Variants in ACSL6 observed in about 807,000 individuals in gnomAD.
ACSL6 encodes acyl-CoA synthetase long chain family member 6, also known as long-chain-fatty-acid--CoA ligase 6.
Under a neutral mutation model 98.2 loss-of-function variants are expected in ACSL6, and 47 were observed. That is an observed-to-expected ratio of 0.48 (90% CI 0.38 to 0.61). The LOEUF (loss-of-function observed/expected upper bound fraction) is 0.61, where lower values mean the gene tolerates loss of function less well. ACSL6 is among the 20% of genes least tolerant of loss of function. The pLI, the probability that ACSL6 is intolerant of heterozygous loss-of-function variation, is 0.00. For synonymous variants in ACSL6, 362 were observed against 336.9 expected (o/e 1.07, Z -0.82); for missense variants, 761 against 913.4 (o/e 0.83, Z 2.15).
In ACSL6 at chr5:131,985,225, C is replaced by T. The variant is rs1005655257; in HGVS notation, c.916+182G>A. The T allele has an allele frequency of 8.5e-6, 6 of 706,144 alleles. No individual in the cohort carries two copies. The African/African-American group carries it at 1.1e-4, about 12-fold the overall frequency. 43.7% of individuals were successfully genotyped at this position (706,144 alleles called of 1,614,324 possible). On this transcript the variant is annotated intron_variant, in intron 9 of 20. Transcript: ENST00000651883. ...CCTCCCAATGCACACTATCCATCTGCATCTGGCCACTCTTATGCAGGGCAC... is the reference window on the plus strand; with the variant it reads ...CCTCCCAATGCACACTATCCATCTGTATCTGGCCACTCTTATGCAGGGCAC...
At chr5:131,979,023 T>C (rs1196576570) in intron 9 of ACSL6, among the ~76,000 whole-genome samples, 1 of 152,210 alleles carries the variant, frequency 6.6e-6, no homozygotes, top group Non-Finnish European at 1.5e-5. Context: ...ATTTCTCTAA[T>C]AAATAGCTGT....
At chr5:131,962,804 GT>G (rs1752782924) in intron 17 of ACSL6, 126 bp from the exon 18 acceptor site, 1 of 1,105,996 alleles carries the variant, frequency 9.0e-7, no homozygotes, top group African/African-American at 1.6e-5. Context: ...TTTTCCATCT[GT>G]TGTGTCTGCT....
At chr5:131,985,516 A>G in intron 8 of ACSL6, 58 bp from the exon 9 acceptor site, 2 of 1,595,538 alleles carry the variant, frequency 1.3e-6, no homozygotes, top group Non-Finnish European at 1.7e-6. Flanking sequence ...GCCAGGGCCC[A>G]AGATGCCTGG....
At position 132,011,354 on chromosome 5, in the gene ACSL6, A is replaced by C; in HGVS notation, c.49+151T>G. The C allele has an allele frequency of 1.1e-5, 9 of 791,540 alleles. No individual in the cohort carries two copies. In the South Asian group the frequency reaches 1.2e-4, roughly 11 times the overall value. The allele number at this position is 791,540 out of a possible 1,614,324, so 49.0% of individuals were successfully genotyped here. On this transcript the variant is annotated intron_variant, in intron 1 of 20. Transcript: ENST00000651883. This position sits in a 1 kb window ranked among gnomAD's most constrained non-coding sequence, Gnocchi z 5.4. ...CGCGAGAACTGGGGGCGGAGGGTGTACTTAGGCGGCCCTGGGGACCTTGAC... is the reference window on the plus strand; with the variant it reads ...CGCGAGAACTGGGGGCGGAGGGTGTCCTTAGGCGGCCCTGGGGACCTTGAC...
chr5:131,995,824 C>T (rs568048320), intron 1 of ACSL6, among the ~76,000 whole-genome samples: 71 of 152,318 alleles, frequency 4.7e-4, no homozygotes, highest in African/African-American at 1.7e-3. Flanking sequence ...CCTCCACTTC[C>T]CCATCTTTAA....
intron 5 of ACSL6, among the ~76,000 whole-genome samples, chr5:131,989,176 C>A (rs748678983): frequency 1.8e-4 from 27 of 152,156 alleles, no homozygotes; most frequent in Non-Finnish European, 3.7e-4. Context: ...TCCCCATTGG[C>A]TCAAGGGGCA....
chr5:131,982,841 G>A (rs1411477028), intron 9 of ACSL6: 1 of 152,226 alleles, frequency 6.6e-6, no homozygotes, highest in Non-Finnish European at 1.5e-5. Flanking sequence ...CACCAGGGAT[G>A]CAGACCTCAA....
Position 131,974,873 on chromosome 5 carries a change from C to G in ACSL6, c.1068+20G>C. 1 of 1,614,082 alleles carries G rather than the reference C, an allele frequency of 6.2e-7. No homozygotes were observed. The highest frequency in any genetic ancestry group is 8.5e-7 in the Non-Finnish European group (1 of 1,180,018). On this transcript the variant is annotated intron_variant, in intron 11 of 20. Coordinates refer to ENST00000651883, the MANE Select transcript of ACSL6 (RefSeq NM_001009185.3). The stretch of plus-strand genomic sequence containing the variant: ...AGAAGGAGCCCAGGCAAGGCCCGGT[C>G]AGTCAGGTGGGTGTCTTACCTGGAT...
chr5:131,976,528 G>T (rs1389227554), intron 10 of ACSL6, 120 bp downstream of exon 10: 3 of 893,722 alleles, frequency 3.4e-6, no homozygotes, highest in Non-Finnish European at 5.1e-6. Context: ...GTGAATGGCA[G>T]CCCAGGTTAT....
Position 131,986,828 on chromosome 5 carries a change from A to G in ACSL6, c.858T>C (p.Ala286=), listed in dbSNP as rs116530484. The G allele has an allele frequency of 2.9e-4, 471 of 1,614,180 alleles. 2 individuals carry two copies. The African/African-American group carries it at 5.7e-3, about 20-fold the overall frequency. ...VEDCGQENHQ[A]PVPPQPDDLS... is the part of the protein sequence containing the mutation. ...TGCAGGTGAATTCGCTTACCACAGG[A>G]GCCTGGTGATTCTCTTGGCCACAGT... The change falls in exon 8 of 21, where the codon GCT becomes GCC. Residue 286 remains alanine, a synonymous_variant. Transcript: ENST00000651883.
chr5:131,997,735 T>C (rs1236616883), intron 1 of ACSL6, among the ~76,000 whole-genome samples: 1 of 152,194 alleles, frequency 6.6e-6, no homozygotes, highest in African/African-American at 2.4e-5. Context: ...CAACTTCTAC[T>C]TAGGTGCTCA....
Position 131,990,872 on chromosome 5 carries a change from G to A in ACSL6, c.366C>T (p.Arg122=), listed in dbSNP as rs774929509. The A allele has an allele frequency of 6.2e-7, 1 of 1,613,210 alleles. No individual in the cohort carries two copies. The highest frequency in any genetic ancestry group is 8.5e-7 in the Non-Finnish European group (1 of 1,179,710). The change falls in exon 3 of 21, where the codon CGC becomes CGT. Residue 122 remains arginine (R), a synonymous_variant. Transcript: ENST00000651883. The part of the protein sequence containing the change: ...DDARTMYQVF[R]RGLSISGNGP... ...TCTCACCTGAGATGCTAAGCCCACG[G>A]CGGAACACCTGGTACATGGTCCGGG...
At chr5:132,009,784 C>T (rs899690603) in intron 1 of ACSL6, among the ~76,000 whole-genome samples, 3 of 152,162 alleles carry the variant, frequency 2.0e-5, no homozygotes, top group Admixed American at 6.5e-5. Flanking sequence ...GCCAGCTAAC[C>T]CTGCTCACAG....
rs776582340 is a variant in ACSL6, at chr5:131,973,292, G to A, written c.1177C>T (p.Arg393Ter). ...LCPTIFPVVP[R>*]LLNRMYDKIF... ...TTGTCGTACATCCGGTTCAGCAGTC[G>A]TGGGACCACAGGGAAGATGGTGGGG... Residue 393 changes from arginine (R) to a stop codon, truncating the protein, a stop_gained, in exon 12 of 21, where the codon CGA becomes TGA. Transcript: ENST00000651883. LOFTEE classifies it high-confidence loss of function. The A allele has an allele frequency of 4.3e-6, 7 of 1,614,156 alleles. No homozygotes were observed. The highest frequency in any genetic ancestry group is 1.3e-5 in the African/African-American group (1 of 75,044).
At chr5:131,972,593 T>C in intron 13 of ACSL6, 131 bp downstream of exon 13, 3 of 1,145,628 alleles carry the variant, frequency 2.6e-6, no homozygotes, top group African/African-American at 1.6e-5. Flanking sequence ...GCTTAAGCTT[T>C]GATTTCATGA....
rs1346426685 is a variant in ACSL6 at position 131,959,728 on chromosome 5, G to A, written c.1960-121C>T. The A allele has an allele frequency of 5.8e-6, 5 of 869,268 alleles. No individual in the cohort carries two copies. In the East Asian group the frequency reaches 1.3e-4, roughly 22 times the overall value. 53.8% of individuals were successfully genotyped at this position (869,268 alleles called of 1,614,324 possible). On this transcript the variant is annotated intron_variant, in intron 19 of 20. Transcript: ENST00000651883. ...TTGTGCCAACATGTGCTAACCCACA[G>A]CCCGCAACTGAGGCTGATACTCCCT...
At chr5:131,955,115 G>A (rs1752330734) in intron 20 of ACSL6, among the ~76,000 whole-genome samples, 2 of 152,142 alleles carry the variant, frequency 1.3e-5, no homozygotes, top group Non-Finnish European at 2.9e-5. Flanking sequence ...AAGAGAAATG[G>A]GAAGATTGTT....
At chr5:131,975,140 A>C in intron 10 of ACSL6, 170 bp from the exon 11 acceptor site, 11 of 1,345,620 alleles carry the variant, frequency 8.2e-6, no homozygotes, top group Middle Eastern at 2.7e-4. Context: ...GAGAGAAGAA[A>C]TGAGAGAGAG....
At chr5:131,978,997 T>G (rs549698372) in intron 9 of ACSL6, among the ~76,000 whole-genome samples, 2 of 152,352 alleles carry the variant, frequency 1.3e-5, no homozygotes, top group East Asian at 3.9e-4. Context: ...GATTATGACA[T>G]GATTTAAAAA....
Sources: gnomAD v4.1 joint callset for allele counts (sites outside exome capture counted in the v4.1 genomes callset) on GRCh38, gnomAD v4.1.1 for gene constraint, Gnocchi (gnomAD v3.1) non-coding constraint, MANE v1.5 for transcripts, NCBI Gene and HGNC (gene_info 2026-07-23, HGNC 2026-07-21) for gene names.